PICALM: variants seen among roughly 807,000 people sequenced by gnomAD.
The protein encoded by PICALM is phosphatidylinositol binding clathrin assembly protein, also known as phosphatidylinositol-binding clathrin assembly protein.
A neutral mutation model predicts 80.5 loss-of-function variants in PICALM; 40 were observed. That is an observed-to-expected ratio of 0.50 (90% CI 0.39 to 0.65). The LOEUF (loss-of-function observed/expected upper bound fraction) is 0.65, where lower values mean the gene tolerates loss of function less well. Ranked by LOEUF, PICALM falls within the 30% of genes least tolerant of loss-of-function variation. The pLI, the probability that PICALM is intolerant of heterozygous loss-of-function variation, is 0.00. For missense variants in PICALM, 676 were observed against 778.9 expected (o/e 0.87, Z 1.57); for synonymous variants, 288 against 260.3 (o/e 1.11, Z -1.02).
At chr11:85,965,807 G>GTTTTTTT (rs142410273) in intron 19 of PICALM, among the ~76,000 whole-genome samples, 34 of 79,252 alleles carry the variant, frequency 4.3e-4, no homozygotes, top group African/African-American at 1.1e-3. Flanking sequence ...TACCCATTTT[G>GTTTTTTT]TTTTTTTGTT....
intron 1 of PICALM, among the ~76,000 whole-genome samples, chr11:86,067,786 T>A (rs1488993975): frequency 6.6e-6 from 1 of 152,144 alleles, no homozygotes; most frequent in Non-Finnish European, 1.5e-5. Flanking sequence ...GATAAGAGTA[T>A]CAGCAAAATG....
chr11:86,037,505 GC>G (rs2095864056), intron 1 of PICALM, among the ~76,000 whole-genome samples: 1 of 151,018 alleles, frequency 6.6e-6, no homozygotes, highest in South Asian at 2.1e-4. Flanking sequence ...TGATCCACCT[GC>G]CTCGGCCTCC....
chr11:86,013,466 G>A (rs637193), intron 5 of PICALM, among the ~76,000 whole-genome samples: 37,506 of 151,828 alleles, frequency 0.25, 4,793 homozygotes, highest in African/African-American at 0.3. Context: ...TAAACCTATT[G>A]AAATAGGTTT....
intron 13 of PICALM, among the ~76,000 whole-genome samples, chr11:85,989,128 T>A (rs1375119174): frequency 6.6e-6 from 1 of 152,216 alleles, no homozygotes; most frequent in Non-Finnish European, 1.5e-5. Context: ...GCTATCTAGA[T>A]ACATAGCTCT....
At chr11:86,001,918 T>C (rs1216608889) in intron 9 of PICALM, among the ~76,000 whole-genome samples, 1 of 152,232 alleles carries the variant, frequency 6.6e-6, no homozygotes, top group Non-Finnish European at 1.5e-5. Flanking sequence ...CCTTGAGCTT[T>C]ATTAATTTTC....
intron 1 of PICALM, among the ~76,000 whole-genome samples, chr11:86,034,068 G>A (rs900775925): frequency 2.0e-5 from 3 of 152,084 alleles, no homozygotes; most frequent in South Asian, 2.1e-4. Context: ...ACTGATCACA[G>A]AAAAACTGGA....
chr11:85,993,280 T>C (rs1410681536), intron 12 of PICALM, among the ~76,000 whole-genome samples: 2 of 152,066 alleles, frequency 1.3e-5, no homozygotes, highest in Non-Finnish European at 2.9e-5. Context: ...AGAGGCAAGG[T>C]CTTGCCATGT....
At chr11:85,992,642 C>T (rs1171689285) in intron 12 of PICALM, among the ~76,000 whole-genome samples, 2 of 152,064 alleles carry the variant, frequency 1.3e-5, no homozygotes, top group Non-Finnish European at 2.9e-5. Context: ...TTTAAAAGTA[C>T]ATTATATTTT....
chr11:86,017,910 G>A (rs78440165), intron 4 of PICALM, among the ~76,000 whole-genome samples: 3,111 of 152,292 alleles, frequency 0.02, 113 homozygotes, highest in African/African-American at 0.071. Context: ...GTGTGTGTGC[G>A]CCTGTGTGAA....
chr11:85,974,652 T>C (rs1306140270), intron 19 of PICALM, 56 bp downstream of exon 19: 7 of 1,124,622 alleles, frequency 6.2e-6, no homozygotes, highest in Non-Finnish European at 9.5e-6. Flanking sequence ...GGTTTTATAG[T>C]ATCATATTCC....
intron 6 of PICALM, among the ~76,000 whole-genome samples, chr11:86,011,756 G>C (rs1302290102): frequency 1.3e-5 from 2 of 151,604 alleles, no homozygotes; most frequent in Admixed American, 6.6e-5. Context: ...TTGATTATGA[G>C]AAAACAATAT....
chr11:86,004,930 C>T lies in PICALM; in HGVS notation c.808-1479G>A, dbSNP rs1383639058. 2.6e-5 allele frequency among the ~76,000 whole-genome samples: 4 copies of T among 152,252 alleles called. No individual in the cohort carries two copies. In the East Asian group the frequency reaches 7.7e-4, roughly 29 times the overall value. The stretch of plus-strand genomic sequence containing the variant: ...CAAACAGCCCCAGCAAAAATGTTTG[C>T]TAATCAGCAAGCAAAGCACTGTCTT... On this transcript the variant is annotated intron_variant, in intron 8 of 19. Coordinates refer to ENST00000393346, the MANE Select transcript of PICALM (RefSeq NM_007166.4).
In PICALM at chr11:86,068,788, GCTC is replaced by G; in HGVS notation, c.-11_-9del. 1 of 1,601,690 alleles carries G rather than the reference GCTC, an allele frequency of 6.2e-7. No individual in the cohort carries two copies. The highest frequency in any genetic ancestry group is 8.5e-7 in the Non-Finnish European group (1 of 1,176,822). On this transcript the variant is annotated 5_prime_UTR_variant, in exon 1 of 20. Coordinates refer to ENST00000393346, the MANE Select transcript of PICALM (RefSeq NM_007166.4). ...CAGGCTCTGGCCGGACATCTCTGCA[GCTC>G]CTCCACCACCCCACCCGCTCAGCAG...
At chr11:85,979,405 A>G (rs745413428) in intron 17 of PICALM, among the ~76,000 whole-genome samples, 1 of 151,596 alleles carries the variant, frequency 6.6e-6, no homozygotes, top group African/African-American at 2.4e-5. Flanking sequence ...CAGGAGAATC[A>G]CTTGAACCTG....
At position 85,994,815 on chromosome 11, in the gene PICALM, T is replaced by TGCC. The variant is rs561219604; in HGVS notation, c.1258+2008_1258+2010dup. ...GCCTCCGGGGTTCAAGTGATTCTCATGCCTCGGCCTCCCAAGAAGCTGAGA... is the reference window on the plus strand; with the variant it reads ...GCCTCCGGGGTTCAAGTGATTCTCATGCCGCCTCGGCCTCCCAAGAAGCTGAGA... On this transcript the variant is annotated intron_variant, in intron 12 of 19. Transcript: ENST00000393346. Among the ~76,000 whole-genome samples the TGCC allele has an allele frequency of 1.7e-4, 26 of 152,322 alleles. No homozygotes were observed. In the East Asian group the frequency reaches 5.0e-3, roughly 29 times the overall value.
At chr11:85,960,648 C>G in intron 19 of PICALM, 1 of 943,734 alleles carries the variant, frequency 1.1e-6, no homozygotes, top group South Asian at 1.4e-5. Context: ...TATTTAAGTC[C>G]CCATCTCCCA....
chr11:85,958,492 T>C lies in PICALM; in HGVS notation c.*554A>G. On this transcript the variant is annotated 3_prime_UTR_variant, in exon 20 of 20. Transcript: ENST00000393346. ...TATTAATGTTATGTAAAATTGATAA[T>C]CATAAATAAATACAAATACTTAAGG... 1 of 209,244 alleles carries C rather than the reference T, an allele frequency of 4.8e-6. No homozygotes were observed. Among genetic ancestry groups the C allele is most frequent in the East Asian group, 7.4e-5 (1 of 13,544 alleles). The allele number at this position is 209,244 out of a possible 1,614,324, so 13.0% of individuals were successfully genotyped here. A position where few individuals can be genotyped will look rare whatever the true frequency, so the allele number is the denominator to read the frequency against.
At chr11:85,994,288 A>G (rs1454185102) in intron 12 of PICALM, among the ~76,000 whole-genome samples, 1 of 152,198 alleles carries the variant, frequency 6.6e-6, no homozygotes, top group South Asian at 2.1e-4. Flanking sequence ...TAGACTCCAC[A>G]ACATTTGTTG....
chr11:86,016,968 T>A (rs2095490189), intron 4 of PICALM, among the ~76,000 whole-genome samples: 1 of 152,190 alleles, frequency 6.6e-6, no homozygotes, highest in South Asian at 2.1e-4. Flanking sequence ...ACGCTTGTAA[T>A]CCCAGCACTT....
Sources: allele counts gnomAD v4.1 joint callset (sites outside exome capture counted in the v4.1 genomes callset), GRCh38; gene constraint gnomAD v4.1.1; transcripts MANE v1.5; gene names NCBI Gene and HGNC (gene_info 2026-07-23, HGNC 2026-07-21).